FAM163B: variants seen among roughly 807,000 people sequenced by gnomAD.
FAM163B encodes protein FAM163B.
A neutral mutation model predicts 7.6 loss-of-function variants in FAM163B; 4 were observed. The ratio of observed to expected loss-of-function variants is 0.52; its 90% CI spans 0.26 to 1.20. The LOEUF (loss-of-function observed/expected upper bound fraction) is 1.20, where lower values mean the gene tolerates loss of function less well. Among genes scored for constraint, FAM163B ranks in the 50% most tolerant of loss-of-function variants. FAM163B has a pLI of 0.14. For missense variants in FAM163B, 250 were observed against 243.0 expected (o/e 1.03, Z -0.19); for synonymous variants, 120 against 111.6 (o/e 1.07, Z -0.47).
intron 1 of FAM163B, among the ~76,000 whole-genome samples, chr9:133,603,731 C>T (rs1169437296): frequency 6.6e-6 from 1 of 152,244 alleles, no homozygotes; most frequent in Non-Finnish European, 1.5e-5. Context: ...GAAGCCTTCC[C>T]TGCCTGCTCC....
At chr9:133,583,875 C>T (rs1831393135) in intron 1 of FAM163B, among the ~76,000 whole-genome samples, 1 of 152,238 alleles carries the variant, frequency 6.6e-6, no homozygotes, top group Non-Finnish European at 1.5e-5. Flanking sequence ...GGCGCCAGGT[C>T]CCAGGGCCAG....
chr9:133,585,698 C>G (rs11521994), intron 1 of FAM163B, among the ~76,000 whole-genome samples: 1 of 152,158 alleles, frequency 6.6e-6, no homozygotes, highest in Non-Finnish European at 1.5e-5. Context: ...GACGTCCCGA[C>G]GGCAGTGCAG....
At chr9:133,609,056 C>G (rs1427244918) in intron 1 of FAM163B, among the ~76,000 whole-genome samples, 21 bp downstream of exon 1, 1 of 152,210 alleles carries the variant, frequency 6.6e-6, no homozygotes, top group East Asian at 1.9e-4. Flanking sequence ...CCCCGTGACC[C>G]GCGGCCCGCT....
intron 1 of FAM163B, chr9:133,586,083 C>G (rs1453299826): frequency 6.6e-6 from 1 of 152,254 alleles, no homozygotes; most frequent in African/African-American, 2.4e-5. Flanking sequence ...CGCGGGCTCC[C>G]AGATGCCTGC....
intron 1 of FAM163B, among the ~76,000 whole-genome samples, chr9:133,602,584 ACT>A (rs1446759862): frequency 6.6e-6 from 1 of 151,392 alleles, no homozygotes; most frequent in African/African-American, 2.4e-5. Context: ...ATTGTTCAAG[ACT>A]CTGTGTTGGA....
At chr9:133,591,209 A>T (rs1831547201) in intron 1 of FAM163B, among the ~76,000 whole-genome samples, 1 of 152,218 alleles carries the variant, frequency 6.6e-6, no homozygotes, top group Admixed American at 6.5e-5. Context: ...CCGCAGTGGC[A>T]GGCACCTGCT....
chr9:133,593,852 G>A (rs1320761800), intron 1 of FAM163B, among the ~76,000 whole-genome samples: 1 of 152,182 alleles, frequency 6.6e-6, no homozygotes, highest in African/African-American at 2.4e-5. Flanking sequence ...TGGCTTTGAT[G>A]GCGCCTCACT....
rs1178502339 is a variant in FAM163B at position 133,600,612 on chromosome 9, C to T, written c.-24+8465G>A. 6.6e-6 allele frequency among the ~76,000 whole-genome samples: 1 copy of T among 152,024 alleles called. No individual in the cohort carries two copies. The highest frequency in any genetic ancestry group is 1.5e-5 in the Non-Finnish European group (1 of 68,002). On this transcript the variant is annotated intron_variant, in intron 1 of 2. Coordinates refer to ENST00000673969, the MANE Select transcript of FAM163B (RefSeq NM_001080515.3). The surrounding 1 kb of genome is among the most constrained non-coding windows in gnomAD (Gnocchi z 4.9). ...GATGGGGTGGGAGCAGGGGTAAAAC[C>T]AGAGGGTAAAAGGATGGGTGGAAGC...
At position 133,579,409 on chromosome 9, in the gene FAM163B, G is replaced by A. The variant is rs936531425; in HGVS notation, c.114C>T (p.Asp38=). Residue 38 remains aspartate, a synonymous_variant, in exon 3 of 3, where the codon GAC becomes GAT. Transcript: ENST00000673969. ...CRLQYYCCKK[D]ESEEDEEEPD... ...GTTCCTCCTCGTCCTCCTCCGACTCGTCCTTCTTGCAGCAGTAGTACTGCG... is the reference window on the plus strand; with the variant it reads ...GTTCCTCCTCGTCCTCCTCCGACTCATCCTTCTTGCAGCAGTAGTACTGCG... The A allele has an allele frequency of 5.9e-5, 95 of 1,604,972 alleles. No homozygotes were observed. Among genetic ancestry groups the A allele is most frequent in the Non-Finnish European group, 7.6e-5 (89 of 1,176,596 alleles).
At chr9:133,599,471 T>C (rs1355175703) in intron 1 of FAM163B, among the ~76,000 whole-genome samples, 1 of 152,158 alleles carries the variant, frequency 6.6e-6, no homozygotes. Flanking sequence ...TGTGGGTATC[T>C]GTGTCTATGT....
rs1831823926 is a variant in FAM163B, at chr9:133,609,194, C to A, written c.-141G>T. ...GCGGCGGCCGCTCATGCCCAGGCCA[C>A]GGCGGTGGCGCCTGGTGTGGCTGGG... On this transcript the variant is annotated 5_prime_UTR_variant, in exon 1 of 3. Transcript: ENST00000673969. Among the ~76,000 whole-genome samples the A allele has an allele frequency of 6.6e-6, 1 of 151,720 alleles. No individual in the cohort carries two copies. The highest frequency in any genetic ancestry group is 1.5e-5 in the Non-Finnish European group (1 of 67,878).
rs371071842 is a variant in FAM163B, at chr9:133,599,965, ATG to A, written c.-24+9110_-24+9111del. ...TGTGCATATGTGTGTGCGTGTGTGC[ATG>A]TGTGTGTGTCTGTGTGCATATGCGA... is the stretch of plus-strand genomic sequence containing the variant. On this transcript the variant is annotated intron_variant, in intron 1 of 2. Coordinates refer to ENST00000673969, the MANE Select transcript of FAM163B (RefSeq NM_001080515.3). Among the ~76,000 whole-genome samples, 7 of 93,376 alleles carry A rather than the reference ATG, an allele frequency of 7.5e-5. No individual in the cohort carries two copies. The East Asian group carries it at 1.5e-3, about 20-fold the overall frequency. The allele number at this position is 93,376 out of a possible 152,430, so 61.3% of individuals were successfully genotyped here. A position where few individuals can be genotyped will look rare whatever the true frequency, so the allele number is the denominator to read the frequency against.
intron 1 of FAM163B, among the ~76,000 whole-genome samples, chr9:133,597,106 A>G (rs1831643272): frequency 6.6e-6 from 1 of 152,228 alleles, no homozygotes; most frequent in Non-Finnish European, 1.5e-5. Context: ...ATTACCTGGC[A>G]TGGAAAGAAG....
chr9:133,607,356 T>G (rs1323924586), intron 1 of FAM163B, among the ~76,000 whole-genome samples: 1 of 152,236 alleles, frequency 6.6e-6, no homozygotes. Context: ...CTGATGGTAC[T>G]GGCATGACAG....
intron 1 of FAM163B, among the ~76,000 whole-genome samples, chr9:133,607,806 G>A (rs547000515): frequency 1.3e-5 from 2 of 152,162 alleles, no homozygotes; most frequent in African/African-American, 2.4e-5. Flanking sequence ...CTGGGCCCCC[G>A]AGCCTTAGGG....
chr9:133,605,091 G>C (rs755869360), intron 1 of FAM163B, among the ~76,000 whole-genome samples: 1 of 152,252 alleles, frequency 6.6e-6, no homozygotes, highest in African/African-American at 2.4e-5. Context: ...GAGGCCTGTG[G>C]GCCCCGAGGC....
At chr9:133,597,045 T>C (rs1205559181) in intron 1 of FAM163B, among the ~76,000 whole-genome samples, 2 of 152,164 alleles carry the variant, frequency 1.3e-5, no homozygotes, top group Non-Finnish European at 2.9e-5. Flanking sequence ...CAAATATGTA[T>C]TGCAATATAA....
chr9:133,604,713 C>T (rs1320434442), intron 1 of FAM163B, among the ~76,000 whole-genome samples: 1 of 152,088 alleles, frequency 6.6e-6, no homozygotes. Flanking sequence ...CCGGTTACAA[C>T]AGGTCTGGGG....
chr9:133,599,827 ATG>A (rs1466107375), intron 1 of FAM163B, among the ~76,000 whole-genome samples: 26 of 142,202 alleles, frequency 1.8e-4, no homozygotes, highest in South Asian at 4.5e-4. Context: ...ATGTGCATGA[ATG>A]TGTGTCTGTG....
Sources: gnomAD v4.1 joint callset for allele counts (sites outside exome capture counted in the v4.1 genomes callset) on GRCh38, gnomAD v4.1.1 for gene constraint, Gnocchi (gnomAD v3.1) non-coding constraint, MANE v1.5 for transcripts, NCBI Gene and HGNC (gene_info 2026-07-23, HGNC 2026-07-21) for gene names.